AFM: variants seen among roughly 807,000 people sequenced by gnomAD.
AFM encodes alpha-Alb.
AFM carries 82 observed loss-of-function variants against 68.7 expected under a neutral mutation model. The observed-to-expected ratio is 1.19, with a 90% CI of 1.00 to 1.43. The LOEUF (loss-of-function observed/expected upper bound fraction) is 1.43. AFM is among the 40% of genes most tolerant of loss of function. AFM has a pLI of 0.00. For synonymous variants in AFM, 250 were observed against 234.2 expected (o/e 1.07, Z -0.61); for missense variants, 772 against 701.8 (o/e 1.10, Z -1.13).
chr4:73,490,674 G>T (rs1721047265), intron 7 of AFM, among the ~76,000 whole-genome samples: 2 of 152,042 alleles, frequency 1.3e-5, no homozygotes, highest in South Asian at 4.1e-4. Flanking sequence ...TACTGAATTA[G>T]GATATAATTA....
chr4:73,484,450 CTT>C (rs1330948739), intron 3 of AFM, 60 bp downstream of exon 3: 7 of 327,186 alleles, frequency 2.1e-5, no homozygotes, highest in Admixed American at 1.2e-4. Context: ...CTCTTTCTTT[CTT>C]TCTTTCTTTC....
chr4:73,487,665 A>G, intron 5 of AFM, 59 bp from the exon 6 acceptor site: 1 of 1,179,762 alleles, frequency 8.5e-7, no homozygotes. Context: ...ATGACTAAAA[A>G]ATAAGAGAAT....
rs575801468 is a variant in AFM, at chr4:73,490,835, G to T, written c.844-1037G>T. Among the ~76,000 whole-genome samples, 8 of 152,262 alleles carry T rather than the reference G, an allele frequency of 5.3e-5. No homozygotes were observed. In the East Asian group the frequency reaches 1.4e-3, roughly 26 times the overall value. Reference sequence around the variant, plus strand: ...CAGAGGATAAGAGATGCTCTGCCTAGAACAATGCTGGCATTACATGAGATG... The same window carrying T: ...CAGAGGATAAGAGATGCTCTGCCTATAACAATGCTGGCATTACATGAGATG... On this transcript the variant is annotated intron_variant, in intron 7 of 14. Coordinates refer to ENST00000226355, the MANE Select transcript of AFM (RefSeq NM_001133.2).
chr4:73,496,870 A>G (rs553282287), intron 9 of AFM, among the ~76,000 whole-genome samples: 11 of 152,292 alleles, frequency 7.2e-5, no homozygotes, highest in Admixed American at 3.9e-4. Context: ...GATATGTGCT[A>G]CTTTTGCTTT....
At position 73,499,955 on chromosome 4, in the gene AFM, C is replaced by T. The variant is rs762902373; in HGVS notation, c.1423-49C>T. 2.7e-6 allele frequency: 4 copies of T among 1,481,910 alleles called. No homozygotes were observed. The East Asian group carries it at 6.8e-5, about 25-fold the overall frequency. 91.8% of individuals were successfully genotyped at this position (1,481,910 alleles called of 1,614,324 possible). ...TCATCTAACCATATTTTTAGAAATT[C>T]CATTCAAGTTTTAAGATCGTATCTC... On this transcript the variant is annotated intron_variant, in intron 11 of 14. Coordinates refer to ENST00000226355, the MANE Select transcript of AFM (RefSeq NM_001133.2).
intron 11 of AFM, 78 bp downstream of exon 11, chr4:73,499,324 G>A (rs763078193): frequency 5.8e-5 from 73 of 1,262,592 alleles, no homozygotes; most frequent in Middle Eastern, 4.1e-4. Context: ...TTGATTTACC[G>A]TGATTATCCA....
chr4:73,487,433 A>G (rs932867888), intron 5 of AFM, among the ~76,000 whole-genome samples: 1 of 152,162 alleles, frequency 6.6e-6, no homozygotes, highest in Non-Finnish European at 1.5e-5. Flanking sequence ...TACAAACAAC[A>G]TGGTATAATC....
Position 73,491,860 on chromosome 4 carries a change from T to C in AFM, c.844-12T>C, listed in dbSNP as rs762444732. The C allele has an allele frequency of 6.2e-7, 1 of 1,604,168 alleles. No homozygotes were observed. Among genetic ancestry groups the C allele is most frequent in the Non-Finnish European group, 8.5e-7 (1 of 1,174,678 alleles). ...TGAAAGTAAAATAATCTCTCATTCT[T>C]ATTTGGTACAGAGCAAGGTTATGAA... is the stretch of plus-strand genomic sequence containing the variant. On this transcript the variant is annotated splice_polypyrimidine_tract_variant and intron_variant, in intron 7 of 14. Coordinates refer to ENST00000226355, the MANE Select transcript of AFM (RefSeq NM_001133.2).
At chr4:73,502,659 G>A (rs1387912671) in intron 13 of AFM, among the ~76,000 whole-genome samples, 1 of 152,156 alleles carries the variant, frequency 6.6e-6, no homozygotes, top group African/African-American at 2.4e-5. Context: ...AAACTCACAG[G>A]CAGACAAACT....
intron 5 of AFM, 143 bp downstream of exon 5, chr4:73,487,242 C>T: frequency 1.1e-6 from 1 of 872,116 alleles, no homozygotes; most frequent in East Asian, 2.8e-5. Context: ...AACCATTGGT[C>T]ACCAGGTGCT....
chr4:73,488,096 G>T (rs1720960369), intron 6 of AFM, among the ~76,000 whole-genome samples: 1 of 152,058 alleles, frequency 6.6e-6, no homozygotes, highest in Non-Finnish European at 1.5e-5. Flanking sequence ...TCAAACCAGG[G>T]TTATAAAACC....
At chr4:73,503,015 T>C (rs2149347668) in intron 13 of AFM, 35 bp from the exon 14 acceptor site, 1 of 1,606,848 alleles carries the variant, frequency 6.2e-7, no homozygotes, top group South Asian at 1.1e-5. Flanking sequence ...TAAATTTTTC[T>C]TCCTATGTGT....
At chr4:73,499,007 C>A in intron 10 of AFM, 107 bp from the exon 11 acceptor site, 1 of 1,154,028 alleles carries the variant, frequency 8.7e-7, no homozygotes, top group Non-Finnish European at 1.2e-6. Flanking sequence ...TCATGTTGCA[C>A]CTATATTGGT....
chr4:73,486,441 A>T (rs1317690188), intron 4 of AFM, among the ~76,000 whole-genome samples: 3 of 152,202 alleles, frequency 2.0e-5, no homozygotes, highest in Non-Finnish European at 4.4e-5. Context: ...GTTTAGCAAA[A>T]CATCTGTTTT....
At chr4:73,496,168 T>C (rs560689329) in intron 9 of AFM, among the ~76,000 whole-genome samples, 1 of 152,366 alleles carries the variant, frequency 6.6e-6, no homozygotes, top group South Asian at 2.1e-4. Flanking sequence ...TAACATCAGG[T>C]GTCAGAAGGG....
chr4:73,483,305 TTAGAGAG>T (rs1445484192), intron 1 of AFM, among the ~76,000 whole-genome samples: 1 of 152,182 alleles, frequency 6.6e-6, no homozygotes, highest in Non-Finnish European at 1.5e-5. Flanking sequence ...GTAACTTCTA[TTAGAGAG>T]CAGCTTAGGA....
At chr4:73,500,529 T>C (rs13103595) in intron 12 of AFM, among the ~76,000 whole-genome samples, 3 of 152,170 alleles carry the variant, frequency 2.0e-5, no homozygotes, top group African/African-American at 7.2e-5. Flanking sequence ...TTTCATTTCC[T>C]TGAGGGAATG....
rs201910936 is a variant in AFM, at chr4:73,491,913, C to T, written c.885C>T (p.Ile295=). 3.7e-6 allele frequency: 6 copies of T among 1,613,944 alleles called. No individual in the cohort carries two copies. The African/African-American group carries it at 4.0e-5, about 11-fold the overall frequency. The part of the protein sequence containing the change: ...MNHICSKQDS[I]SSKIKECCEK... ...ATATTTGTTCAAAACAAGATTCTATCTCCAGCAAAATCAAAGAGTGCTGTG... is the reference window on the plus strand; with the variant it reads ...ATATTTGTTCAAAACAAGATTCTATTTCCAGCAAAATCAAAGAGTGCTGTG... The change falls in exon 8 of 15, where the codon ATC becomes ATT. Residue 295 remains isoleucine (I), a synonymous_variant. Coordinates refer to ENST00000226355, the MANE Select transcript of AFM (RefSeq NM_001133.2).
intron 8 of AFM, among the ~76,000 whole-genome samples, chr4:73,493,725 T>A (rs1207168352): frequency 6.6e-6 from 1 of 152,228 alleles, no homozygotes; most frequent in Non-Finnish European, 1.5e-5. Context: ...GCAGTGTGGC[T>A]CCAAACTCCT....
Sources: gnomAD v4.1 joint callset for allele counts (sites outside exome capture counted in the v4.1 genomes callset) on GRCh38, gnomAD v4.1.1 for gene constraint, MANE v1.5 for transcripts, NCBI Gene and HGNC (gene_info 2026-07-23, HGNC 2026-07-21) for gene names.